Variants in PABPC4L observed in about 807,000 individuals in gnomAD.
PABPC4L encodes poly(A) binding protein cytoplasmic 4 like.
For synonymous variants in PABPC4L, 169 were observed against 164.1 expected (o/e 1.03, Z -0.23); for missense variants, 452 against 451.4 (o/e 1.00, Z -0.01).
chr4:134,078,413 A>C, the PABPC4L span, among the ~76,000 whole-genome samples: 173 of 152,334 alleles, frequency 1.1e-3, no homozygotes, highest in Non-Finnish European at 1.4e-3. Flanking sequence ...ATTCAAAAAG[A>C]AAATGAAACT....
the PABPC4L span, among the ~76,000 whole-genome samples, chr4:134,177,499 C>T: frequency 6.6e-6 from 1 of 152,066 alleles, no homozygotes; most frequent in Non-Finnish European, 1.5e-5. Flanking sequence ...TGTGTGAACT[C>T]AGTTGGAGGG....
At chr4:134,188,604 T>G in the PABPC4L span, among the ~76,000 whole-genome samples, 1 of 152,116 alleles carries the variant, frequency 6.6e-6, no homozygotes, top group African/African-American at 2.4e-5. Flanking sequence ...TGTTGTTTGT[T>G]GGTTTTGTTT....
At chr4:134,089,781 G>A in the PABPC4L span, among the ~76,000 whole-genome samples, 104 of 152,048 alleles carry the variant, frequency 6.8e-4, no homozygotes, top group African/African-American at 2.3e-3. Context: ...AGGGCTGAGC[G>A]CAGACTGTAT....
the PABPC4L span, among the ~76,000 whole-genome samples, chr4:134,090,090 A>G: frequency 1.3e-5 from 2 of 152,074 alleles, 1 homozygote. Context: ...GATAAGGCCC[A>G]ACTCCACCTT....
chr4:134,129,030 A>G, the PABPC4L span, among the ~76,000 whole-genome samples: 2 of 152,130 alleles, frequency 1.3e-5, no homozygotes, highest in African/African-American at 2.4e-5. Flanking sequence ...AGCTATTCTT[A>G]TATCAGACAA....
At chr4:134,018,052 C>G in the PABPC4L span, among the ~76,000 whole-genome samples, 1 of 152,236 alleles carries the variant, frequency 6.6e-6, no homozygotes, top group South Asian at 2.1e-4. Flanking sequence ...CGGTTCCTGA[C>G]TTAACTGATG....
chr4:133,954,211 T>C, the PABPC4L span, among the ~76,000 whole-genome samples: 1 of 152,206 alleles, frequency 6.6e-6, no homozygotes, highest in South Asian at 2.1e-4. Context: ...TCCTGTTCTT[T>C]ATTTTGGGAG....
chr4:134,002,255 G>A, the PABPC4L span, among the ~76,000 whole-genome samples: 1 of 151,764 alleles, frequency 6.6e-6, no homozygotes, highest in Non-Finnish European at 1.5e-5. Flanking sequence ...GGGGAAATTT[G>A]AAGATATTTG....
the PABPC4L span, among the ~76,000 whole-genome samples, chr4:134,166,658 C>T: frequency 6.6e-6 from 1 of 152,132 alleles, no homozygotes; most frequent in Non-Finnish European, 1.5e-5. Context: ...TCTGGAGGAT[C>T]AAACAGAGGC....
chr4:134,031,695 G>C, the PABPC4L span, among the ~76,000 whole-genome samples: 1 of 151,908 alleles, frequency 6.6e-6, no homozygotes, highest in African/African-American at 2.4e-5. Flanking sequence ...GGAGGCTGGA[G>C]AGTCTAGACT....
the PABPC4L span, among the ~76,000 whole-genome samples, chr4:133,991,871 G>A: frequency 6.6e-6 from 1 of 152,162 alleles, no homozygotes; most frequent in Non-Finnish European, 1.5e-5. Flanking sequence ...TTGCACTCAG[G>A]TCACAAGTGT....
At chr4:134,158,425 A>C in the PABPC4L span, among the ~76,000 whole-genome samples, 1 of 152,002 alleles carries the variant, frequency 6.6e-6, no homozygotes, top group African/African-American at 2.4e-5. Context: ...AGTTATGGAA[A>C]CAGTATTCCT....
At chr4:133,967,306 A>AAAAC in the PABPC4L span, among the ~76,000 whole-genome samples, 60 of 152,148 alleles carry the variant, frequency 3.9e-4, no homozygotes, top group Middle Eastern at 3.4e-3. Context: ...CCCAGACTCA[A>AAAAC]AAACAAACAA....
chr4:134,155,229 T>G, the PABPC4L span, among the ~76,000 whole-genome samples: 1 of 152,092 alleles, frequency 6.6e-6, no homozygotes, highest in African/African-American at 2.4e-5. Flanking sequence ...ATTTTATATT[T>G]CTGTGTAAAA....
chr4:134,045,203 A>T, the PABPC4L span, among the ~76,000 whole-genome samples: 3 of 152,188 alleles, frequency 2.0e-5, no homozygotes, highest in Non-Finnish European at 2.9e-5. Flanking sequence ...GCACAAAATT[A>T]AAAATCATAA....
chr4:134,064,880 A>G, the PABPC4L span, among the ~76,000 whole-genome samples: 1 of 152,038 alleles, frequency 6.6e-6, no homozygotes, highest in Non-Finnish European at 1.5e-5. Context: ...TAGTTCTCTT[A>G]GGATACTGGC....
At chr4:134,007,279 C>T in the PABPC4L span, among the ~76,000 whole-genome samples, 4 of 151,430 alleles carry the variant, frequency 2.6e-5, no homozygotes, top group African/African-American at 9.7e-5. Flanking sequence ...AAGTTTTTAT[C>T]TAATTCTTTT....
At chr4:134,092,224 C>T in the PABPC4L span, among the ~76,000 whole-genome samples, 90 of 151,990 alleles carry the variant, frequency 5.9e-4, 1 homozygote, top group Admixed American at 5.9e-3. Flanking sequence ...CCAAAACCAC[C>T]CAGGCCTGCC....
At chr4:133,956,009 C>A in the PABPC4L span, among the ~76,000 whole-genome samples, 1 of 151,982 alleles carries the variant, frequency 6.6e-6, no homozygotes, top group Non-Finnish European at 1.5e-5. Flanking sequence ...AATTAATTTG[C>A]ATCTTTATCT....
Sources: allele counts gnomAD v4.1 joint callset (sites outside exome capture counted in the v4.1 genomes callset), GRCh38; gene constraint gnomAD v4.1.1; transcripts MANE v1.5; gene names NCBI Gene and HGNC (gene_info 2026-07-23, HGNC 2026-07-21).